SGCZ: variants seen among roughly 807,000 people sequenced by gnomAD.
SGCZ encodes the protein zeta-sarcoglycan.
In SGCZ, 40 loss-of-function variants were observed where a neutral mutation model predicts 41.3. The ratio of observed to expected loss-of-function variants is 0.97; its 90% CI spans 0.75 to 1.26. The LOEUF (loss-of-function observed/expected upper bound fraction) is 1.26. Among genes scored for constraint, SGCZ ranks in the 50% most tolerant of loss-of-function variants. The pLI, the probability that SGCZ is intolerant of heterozygous loss-of-function variation, is 0.00. For synonymous variants in SGCZ, 206 were observed against 137.5 expected (o/e 1.50, Z -3.49); for missense variants, 552 against 369.8 (o/e 1.49, Z -4.04).
chr8:14,734,395 A>G (rs1205685600), intron 1 of SGCZ, among the ~76,000 whole-genome samples: 1 of 152,232 alleles, frequency 6.6e-6, no homozygotes, highest in Non-Finnish European at 1.5e-5. Flanking sequence ...AATTTAAAAG[A>G]AGTTCAAAGA....
At chr8:14,095,238 C>T (rs1452123038) in intron 7 of SGCZ, among the ~76,000 whole-genome samples, 1 of 152,092 alleles carries the variant, frequency 6.6e-6, no homozygotes, top group African/African-American at 2.4e-5. Context: ...AAGTTTTCTT[C>T]TAGGGTTTTA....
In SGCZ at chr8:14,914,606, C is replaced by G. The variant is rs536747834; in HGVS notation, c.39+322979G>C. ...AGCCCATACATTCTACAAATAACATCTATCAGGAAAATAATTCAAGATCTA... is the reference window on the plus strand; with the variant it reads ...AGCCCATACATTCTACAAATAACATGTATCAGGAAAATAATTCAAGATCTA... On this transcript the variant is annotated intron_variant, in intron 1 of 7. Transcript: ENST00000382080. 3.5e-4 allele frequency among the ~76,000 whole-genome samples: 54 copies of G among 152,158 alleles called. 1 individual carries two copies. The highest frequency in any genetic ancestry group is 1.2e-3 in the African/African-American group (49 of 41,530).
chr8:15,048,593 C>T (rs1804399445), intron 1 of SGCZ, among the ~76,000 whole-genome samples: 1 of 151,930 alleles, frequency 6.6e-6, no homozygotes. Context: ...CACATGCACC[C>T]CATAGATATG....
intron 3 of SGCZ, among the ~76,000 whole-genome samples, chr8:14,307,522 C>T (rs902118141): frequency 1.3e-5 from 2 of 152,082 alleles, no homozygotes; most frequent in Non-Finnish European, 2.9e-5. Flanking sequence ...GTTGACCTAA[C>T]CTTTCTTCAG....
rs11448326 is a variant in SGCZ, at chr8:14,682,436, AT to A, written c.40-127511del. Among the ~76,000 whole-genome samples the A allele has an allele frequency of 7.4e-3, 1,053 of 141,614 alleles. 7 individuals carry two copies. The highest frequency in any genetic ancestry group is 0.018 in the East Asian group (87 of 4,758). 92.9% of individuals were successfully genotyped at this position (141,614 alleles called of 152,430 possible). A position where few individuals can be genotyped will look rare whatever the true frequency, so the allele number is the denominator to read the frequency against. On this transcript the variant is annotated intron_variant, in intron 1 of 7. Coordinates refer to ENST00000382080, the MANE Select transcript of SGCZ (RefSeq NM_139167.4). ...CATATATAATGCACCCTGCAATGCAATTTTTTTTTTTTTTTTGAGACAGAGT... is the reference window on the plus strand; with the variant it reads ...CATATATAATGCACCCTGCAATGCAATTTTTTTTTTTTTTTGAGACAGAGT...
intron 5 of SGCZ, among the ~76,000 whole-genome samples, chr8:14,152,264 A>C (rs1012939574): frequency 6.6e-6 from 1 of 152,206 alleles, no homozygotes; most frequent in Non-Finnish European, 1.5e-5. Flanking sequence ...TTCAATTAGC[A>C]AATGGGCAAA....
intron 1 of SGCZ, among the ~76,000 whole-genome samples, chr8:14,979,975 G>T (rs1008141271): frequency 6.6e-6 from 1 of 152,158 alleles, no homozygotes; most frequent in African/African-American, 2.4e-5. Flanking sequence ...TAGGAATCAT[G>T]CTTAAAATTA....
At chr8:14,850,962 A>G (rs898312677) in intron 1 of SGCZ, among the ~76,000 whole-genome samples, 1 of 152,142 alleles carries the variant, frequency 6.6e-6, no homozygotes, top group African/African-American at 2.4e-5. Context: ...TTCCTTTATA[A>G]ATGACCAGTC....
rs142477300 is a variant in SGCZ at position 14,998,974 on chromosome 8, A to G, written c.39+238611T>C. Among the ~76,000 whole-genome samples the G allele has an allele frequency of 9.2e-5, 14 of 152,326 alleles. No individual in the cohort carries two copies. In the East Asian group the frequency reaches 2.7e-3, roughly 29 times the overall value. On this transcript the variant is annotated intron_variant, in intron 1 of 7. Transcript: ENST00000382080. The stretch of plus-strand genomic sequence containing the variant: ...TAAAAGCAGGAATTTAGCTACTTCT[A>G]TAATCTTGGGTACACTTGGATTTAA...
intron 1 of SGCZ, among the ~76,000 whole-genome samples, chr8:14,627,567 T>A (rs1806503312): frequency 6.6e-6 from 1 of 152,152 alleles, no homozygotes; most frequent in African/African-American, 2.4e-5. Context: ...TTTCCTACTA[T>A]GTGGTAATAA....
At chr8:14,801,558 C>G (rs1476147944) in intron 1 of SGCZ, among the ~76,000 whole-genome samples, 2 of 152,038 alleles carry the variant, frequency 1.3e-5, no homozygotes, top group African/African-American at 4.8e-5. Flanking sequence ...AGGGAAAGAA[C>G]AGATCGTAAA....
chr8:15,126,309 A>G (rs1807678289), intron 1 of SGCZ, among the ~76,000 whole-genome samples: 1 of 152,220 alleles, frequency 6.6e-6, no homozygotes, highest in African/African-American at 2.4e-5. Flanking sequence ...AGATATGATT[A>G]TATTTAGGAA....
chr8:15,058,246 A>C (rs1804787826), intron 1 of SGCZ, among the ~76,000 whole-genome samples: 1 of 152,186 alleles, frequency 6.6e-6, no homozygotes, highest in Admixed American at 6.5e-5. Context: ...GATATGAGTT[A>C]CCTTCAAATA....
At chr8:14,167,087 T>C (rs1290221819) in intron 4 of SGCZ, among the ~76,000 whole-genome samples, 1 of 152,174 alleles carries the variant, frequency 6.6e-6, no homozygotes, top group East Asian at 1.9e-4. Context: ...TTTGAATATA[T>C]TGCATTTATA....
intron 1 of SGCZ, among the ~76,000 whole-genome samples, chr8:14,684,218 G>C (rs532504481): frequency 1.3e-5 from 2 of 152,016 alleles, no homozygotes; most frequent in African/African-American, 4.8e-5. Context: ...ATTTTTACTT[G>C]GCATCTGATG....
chr8:14,978,241 G>A lies in SGCZ; in HGVS notation c.39+259344C>T, dbSNP rs184599746. 4.7e-3 allele frequency among the ~76,000 whole-genome samples: 718 copies of A among 151,428 alleles called. 3 individuals are homozygous for A. Among genetic ancestry groups the A allele is most frequent in the African/African-American group, 0.016 (673 of 41,250 alleles). ...CCAGCACTTTAGGAGGCTGAGGGGG[G>A]TGGATCACCTGAGGTCAGGAGTTCA... On this transcript the variant is annotated intron_variant, in intron 1 of 7. Transcript: ENST00000382080.
At chr8:14,945,653 G>T (rs903894931) in intron 1 of SGCZ, among the ~76,000 whole-genome samples, 3 of 149,838 alleles carry the variant, frequency 2.0e-5, no homozygotes, top group African/African-American at 7.4e-5. Flanking sequence ...AGACTGAGGG[G>T]GGAGATCTAC....
chr8:14,158,309 A>T lies in SGCZ; in HGVS notation c.547+6271T>A, dbSNP rs137885626. Among the ~76,000 whole-genome samples, 14 of 152,308 alleles carry T rather than the reference A, an allele frequency of 9.2e-5. No homozygotes were observed. In the East Asian group the frequency reaches 1.7e-3, roughly 19 times the overall value. On this transcript the variant is annotated intron_variant, in intron 5 of 7. Coordinates refer to ENST00000382080, the MANE Select transcript of SGCZ (RefSeq NM_139167.4). ...ACAGCAAAAGAGATTTTGCAGATGT[A>T]ATTTAGGCTCCTAATAAATTGACCT...
chr8:14,264,693 G>A (rs1470469999), intron 3 of SGCZ, among the ~76,000 whole-genome samples: 1 of 152,192 alleles, frequency 6.6e-6, no homozygotes, highest in Non-Finnish European at 1.5e-5. Context: ...CGGGAGCGGA[G>A]TCTCACGCCT....
Sources: gnomAD v4.1 joint callset for allele counts (sites outside exome capture counted in the v4.1 genomes callset) on GRCh38, gnomAD v4.1.1 for gene constraint, MANE v1.5 for transcripts, NCBI Gene and HGNC (gene_info 2026-07-23, HGNC 2026-07-21) for gene names.